DHX15: variants seen among roughly 807,000 people sequenced by gnomAD.
DHX15 encodes DEAH-box helicase 15, also known as ATP-dependent RNA helicase DHX15.
DHX15 carries 11 observed loss-of-function variants against 94.4 expected under a neutral mutation model. The observed-to-expected ratio is 0.12, with a 90% CI of 0.07 to 0.19. The LOEUF (loss-of-function observed/expected upper bound fraction) is 0.19. Among genes scored for constraint, DHX15 ranks in the 10% least tolerant of loss-of-function variants. The pLI is 1.00. For missense variants in DHX15, 304 were observed against 988.5 expected (o/e 0.31, Z 9.29); for synonymous variants, 338 against 329.9 (o/e 1.02, Z -0.27).
intron 7 of DHX15, among the ~76,000 whole-genome samples, chr4:24,542,523 C>T (rs1306261239): frequency 6.6e-6 from 1 of 152,086 alleles, no homozygotes; most frequent in East Asian, 1.9e-4. Flanking sequence ...ATTTAGTATA[C>T]AGCACTGTTA....
At chr4:24,531,442 G>A (rs1444898281) in intron 12 of DHX15, among the ~76,000 whole-genome samples, 1 of 152,076 alleles carries the variant, frequency 6.6e-6, no homozygotes, top group African/African-American at 2.4e-5. Flanking sequence ...CCCAGGCCTG[G>A]TGGCTCACGT....
chr4:24,553,288 T>C (rs1721653374), intron 5 of DHX15, among the ~76,000 whole-genome samples: 1 of 151,758 alleles, frequency 6.6e-6, no homozygotes, highest in African/African-American at 2.4e-5. Flanking sequence ...GCCACTGCAC[T>C]CCAGCCTGGG....
chr4:24,550,736 A>G (rs187040550), intron 5 of DHX15, among the ~76,000 whole-genome samples: 28 of 152,328 alleles, frequency 1.8e-4, no homozygotes, highest in Non-Finnish European at 3.2e-4. Flanking sequence ...TACAGTTAAC[A>G]TTTTTAAGTC....
intron 3 of DHX15, among the ~76,000 whole-genome samples, chr4:24,567,678 A>G (rs1722023297): frequency 1.3e-5 from 2 of 152,216 alleles, no homozygotes; most frequent in South Asian, 4.1e-4. Flanking sequence ...CCTTACATCA[A>G]AATGAATCAA....
intron 3 of DHX15, among the ~76,000 whole-genome samples, chr4:24,558,958 T>G (rs1721804239): frequency 6.6e-6 from 1 of 152,116 alleles, no homozygotes; most frequent in African/African-American, 2.4e-5. Context: ...CGTACAAATT[T>G]CATAGCAAAA....
chr4:24,540,595 T>C (rs1721288320), intron 9 of DHX15, among the ~76,000 whole-genome samples: 1 of 151,834 alleles, frequency 6.6e-6, no homozygotes, highest in Admixed American at 6.6e-5. Flanking sequence ...CACATTTTCA[T>C]GCCCAGAGGA....
At chr4:24,552,893 C>T (rs1721638425) in intron 5 of DHX15, among the ~76,000 whole-genome samples, 1 of 152,226 alleles carries the variant, frequency 6.6e-6, no homozygotes, top group South Asian at 2.1e-4. Context: ...GTGGGATTCA[C>T]AGAAAATACC....
rs1221377976 is a variant in DHX15, at chr4:24,536,756, A to C, written c.1909+295T>G. On this transcript the variant is annotated intron_variant, in intron 11 of 13. Transcript: ENST00000336812. Reference sequence around the variant, plus strand: ...TAAAAATGTAAAATGCACAGAAATAAAAGTATATAAAAACGTGTATGTTAG... The same window carrying C: ...TAAAAATGTAAAATGCACAGAAATACAAGTATATAAAAACGTGTATGTTAG... 2.0e-5 allele frequency among the ~76,000 whole-genome samples: 3 copies of C among 152,254 alleles called. No homozygotes were observed. The East Asian group carries it at 5.8e-4, about 29-fold the overall frequency.
In DHX15 at chr4:24,553,669, T is replaced by C. The variant is rs889812709; in HGVS notation, c.1080+1056A>G. 6.0e-5 allele frequency among the ~76,000 whole-genome samples: 9 copies of C among 151,140 alleles called. No individual in the cohort carries two copies. In the South Asian group the frequency reaches 1.1e-3, roughly 18 times the overall value. ...GTGGGCACCTGTGATCCCAGCTACTTGGGAGGCTGAGGCAAGAGAATCGCT... is the reference window on the plus strand; with the variant it reads ...GTGGGCACCTGTGATCCCAGCTACTCGGGAGGCTGAGGCAAGAGAATCGCT... On this transcript the variant is annotated intron_variant, in intron 5 of 13. Transcript: ENST00000336812.
At position 24,565,826 on chromosome 4, in the gene DHX15, G is replaced by C. The variant is rs527602288; in HGVS notation, c.701+4828C>G. ...TAAACAGAGTGCCATAAATGACGAA[G>C]AGTTGTACACAGACAACTATACCTG... On this transcript the variant is annotated intron_variant, in intron 3 of 13. Transcript: ENST00000336812. Among the ~76,000 whole-genome samples the C allele has an allele frequency of 3.2e-4, 48 of 152,220 alleles. 2 individuals carry two copies. In the East Asian group the frequency reaches 7.9e-3, roughly 25 times the overall value.
rs1001990020 is a variant in DHX15, at chr4:24,540,718, G to C, written c.1594+122C>G. 5.5e-6 allele frequency: 3 copies of C among 543,172 alleles called. No individual in the cohort carries two copies. The African/African-American group carries it at 6.0e-5, about 11-fold the overall frequency. 33.6% of individuals were successfully genotyped at this position (543,172 alleles called of 1,614,324 possible). On this transcript the variant is annotated intron_variant, in intron 9 of 13. Coordinates refer to ENST00000336812, the MANE Select transcript of DHX15 (RefSeq NM_001358.3). The stretch of plus-strand genomic sequence containing the variant: ...ATGCTATCATGTAAGACTTAATCTT[G>C]ATGCATACTGGATGGAAAAAGCAAA...
At chr4:24,557,585 C>T (rs1051729089) in intron 3 of DHX15, among the ~76,000 whole-genome samples, 5 of 152,146 alleles carry the variant, frequency 3.3e-5, no homozygotes, top group Admixed American at 6.5e-5. Flanking sequence ...GCAAACAAAT[C>T]CATCTTAACT....
At chr4:24,557,572 T>C (rs921817009) in intron 3 of DHX15, among the ~76,000 whole-genome samples, 4 of 152,170 alleles carry the variant, frequency 2.6e-5, no homozygotes, top group Non-Finnish European at 4.4e-5. Flanking sequence ...TCATAAACTA[T>C]TGGCAAACAA....
At chr4:24,569,107 T>A (rs1722061608) in intron 3 of DHX15, among the ~76,000 whole-genome samples, 1 of 152,206 alleles carries the variant, frequency 6.6e-6, no homozygotes, top group Non-Finnish European at 1.5e-5. Context: ...TAAATTGTTT[T>A]AAGTTATGAT....
At chr4:24,556,473 G>T in intron 3 of DHX15, 63 bp from the exon 4 acceptor site, 1 of 1,351,396 alleles carries the variant, frequency 7.4e-7, no homozygotes, top group South Asian at 1.6e-5. Flanking sequence ...CAAACTTCGT[G>T]ACAAAAATGA....
chr4:24,549,050 G>T, intron 5 of DHX15, 28 bp from the exon 6 acceptor site: 1 of 1,579,536 alleles, frequency 6.3e-7, no homozygotes, highest in South Asian at 1.1e-5. Context: ...GTCTAAAAAC[G>T]AATACTGAAA....
chr4:24,553,303 A>G (rs958155144), intron 5 of DHX15, among the ~76,000 whole-genome samples: 1 of 152,070 alleles, frequency 6.6e-6, no homozygotes, highest in African/African-American at 2.4e-5. Context: ...CCTGGGCAAC[A>G]AGAGCAAAAC....
intron 2 of DHX15, among the ~76,000 whole-genome samples, chr4:24,571,983 A>G (rs1722131093): frequency 6.6e-6 from 1 of 152,220 alleles, no homozygotes; most frequent in African/African-American, 2.4e-5. Context: ...TAGTCAGGCT[A>G]TAAAGCCTTA....
rs140389600 is a variant in DHX15, at chr4:24,569,891, C to T, written c.701+763G>A. ...CCTCAAGCAATAATCCTGCTTCAGCCTACGAAGTGGCTGGGAATAAACAGG... is the reference window on the plus strand; with the variant it reads ...CCTCAAGCAATAATCCTGCTTCAGCTTACGAAGTGGCTGGGAATAAACAGG... On this transcript the variant is annotated intron_variant, in intron 3 of 13. Transcript: ENST00000336812. Among the ~76,000 whole-genome samples, 323 of 152,326 alleles carry T rather than the reference C, an allele frequency of 2.1e-3. 3 individuals carry two copies. The highest frequency in any genetic ancestry group is 7.5e-3 in the African/African-American group (313 of 41,574).
Sources: gnomAD v4.1 joint callset for allele counts (sites outside exome capture counted in the v4.1 genomes callset) on GRCh38, gnomAD v4.1.1 for gene constraint, MANE v1.5 for transcripts, NCBI Gene and HGNC (gene_info 2026-07-23, HGNC 2026-07-21) for gene names.